DNAJC1: variants seen among roughly 807,000 people sequenced by gnomAD.
DNAJC1 encodes the protein dnaJ homolog subfamily C member 1.
In DNAJC1, 58 loss-of-function variants were observed where a neutral mutation model predicts 76.6. The observed-to-expected ratio is 0.76, with a 90% confidence interval of 0.61 to 0.94. The LOEUF is 0.94. Among genes scored for constraint, DNAJC1 ranks in the 40% least tolerant of loss-of-function variants. The pLI, the probability that DNAJC1 is intolerant of heterozygous loss-of-function variation, is 0.00. For missense variants in DNAJC1, 689 were observed against 677.3 expected, an observed-to-expected ratio of 1.02 and a Z score of -0.19; for synonymous variants, 258 against 267.9, an observed-to-expected ratio of 0.96 and a Z score of 0.36.
intron 9 of DNAJC1, among the ~76,000 whole-genome samples, chr10:21,786,625 C>T (rs540075077): frequency 4.0e-4 from 61 of 151,800 alleles, no homozygotes; most frequent in African/African-American, 1.4e-3. Context: ...AGCAGGCGTG[C>T]GCCACCACAC....
intron 9 of DNAJC1, among the ~76,000 whole-genome samples, chr10:21,789,548 T>C (rs184509519): frequency 8.7e-4 from 133 of 152,042 alleles, no homozygotes; most frequent in African/African-American, 2.9e-3. Flanking sequence ...GTTGCCAGTA[T>C]AGAAATTAAT....
At chr10:21,844,616 T>C (rs534655637) in intron 8 of DNAJC1, among the ~76,000 whole-genome samples, 1 of 152,302 alleles carries the variant, frequency 6.6e-6, no homozygotes, top group South Asian at 2.1e-4. Context: ...GAAACATATG[T>C]TGATTTTCAA....
At chr10:21,944,267 AAATGT>A (rs1837469857) in intron 1 of DNAJC1, among the ~76,000 whole-genome samples, 2 of 152,238 alleles carry the variant, frequency 1.3e-5, no homozygotes, top group Middle Eastern at 3.4e-3. Flanking sequence ...GCAAACCAGT[AAATGT>A]AATAGAATAA....
intron 1 of DNAJC1, among the ~76,000 whole-genome samples, chr10:21,972,185 T>G (rs375179281): frequency 1.3e-5 from 2 of 151,944 alleles, no homozygotes; most frequent in Non-Finnish European, 2.9e-5. Context: ...TTAGATTCCA[T>G]AGGCATGCAA....
In DNAJC1 at chr10:21,919,847, G is replaced by A. The variant is rs750730807; in HGVS notation, c.620C>T (p.Ser207Leu). 6.2e-7 allele frequency: 1 copy of A among 1,601,218 alleles called. No individual in the cohort carries two copies. The highest frequency in any genetic ancestry group is 1.1e-5 in the South Asian group (1 of 88,440). ...ATGCTCTCACCTTTCATTTTTTTCT[G>A]AAGCACCGAGTTTTGATACATCCAC... is the stretch of plus-strand genomic sequence containing the variant. ...KSVDVSKLGA[S>L]EKNERLLMKP... Residue 207 changes from serine (S) to leucine (L), a missense_variant, in exon 5 of 12, where the codon TCA becomes TTA. Transcript: ENST00000376980.
intron 7 of DNAJC1, among the ~76,000 whole-genome samples, chr10:21,884,588 T>C (rs1435604790): frequency 6.6e-6 from 1 of 152,162 alleles, no homozygotes; most frequent in Admixed American, 6.5e-5. Context: ...TGTGGGTATG[T>C]ATGTATTTGT....
At chr10:21,809,165 G>T (rs1834926470) in intron 8 of DNAJC1, among the ~76,000 whole-genome samples, 1 of 151,842 alleles carries the variant, frequency 6.6e-6, no homozygotes, top group South Asian at 2.1e-4. Context: ...AATCTATATG[G>T]ACTTTTCCTC....
intron 1 of DNAJC1, among the ~76,000 whole-genome samples, chr10:21,972,841 T>C (rs918095954): frequency 2.0e-5 from 3 of 152,020 alleles, no homozygotes; most frequent in Admixed American, 1.3e-4. Flanking sequence ...GAAAATAGGG[T>C]ATTTCAGGTT....
At position 21,986,267 on chromosome 10, in the gene DNAJC1, A is replaced by T. The variant is rs572606729; in HGVS notation, c.222+16946T>A. 7.9e-5 allele frequency among the ~76,000 whole-genome samples: 12 copies of T among 152,318 alleles called. No individual in the cohort carries two copies. In the South Asian group the frequency reaches 2.5e-3, roughly 32 times the overall value. The stretch of plus-strand genomic sequence containing the variant: ...CAAAGTAGTTGCATTTTACCTTGCC[A>T]CCATCGATGCATAAGTATTCCAGGT... On this transcript the variant is annotated intron_variant, in intron 1 of 11. Transcript: ENST00000376980.
At chr10:21,858,770 C>G (rs1021887331) in intron 8 of DNAJC1, among the ~76,000 whole-genome samples, 1 of 152,138 alleles carries the variant, frequency 6.6e-6, no homozygotes, top group African/African-American at 2.4e-5. Context: ...ACCACTAGGT[C>G]ACCAGGGAGG....
intron 9 of DNAJC1, among the ~76,000 whole-genome samples, chr10:21,787,315 G>A (rs1273969260): frequency 2.0e-5 from 3 of 151,474 alleles, no homozygotes; most frequent in East Asian, 1.9e-4. Context: ...GCAACAGAGT[G>A]AGATTCCGTC....
chr10:21,790,415 A>G (rs977446558), intron 9 of DNAJC1, among the ~76,000 whole-genome samples: 3 of 152,004 alleles, frequency 2.0e-5, no homozygotes, highest in African/African-American at 7.2e-5. Context: ...TGGCAAGAGA[A>G]AAATGTCAAG....
intron 4 of DNAJC1, 65 bp downstream of exon 4, chr10:21,920,733 T>C (rs1234747265): frequency 3.2e-5 from 47 of 1,461,564 alleles, no homozygotes; most frequent in Non-Finnish European, 2.3e-5. Flanking sequence ...AGTTGAAAAA[T>C]AAATGTCCAA....
At chr10:21,953,929 T>C (rs955769287) in intron 1 of DNAJC1, among the ~76,000 whole-genome samples, 2 of 151,838 alleles carry the variant, frequency 1.3e-5, no homozygotes, top group Admixed American at 6.6e-5. Context: ...TTTGTCTGTT[T>C]AACCTTTGCT....
chr10:21,828,018 C>T (rs1367832016), intron 8 of DNAJC1, among the ~76,000 whole-genome samples: 1 of 152,192 alleles, frequency 6.6e-6, no homozygotes, highest in Non-Finnish European at 1.5e-5. Context: ...TGTCAAATTA[C>T]TCTCCAAAGG....
At chr10:21,947,620 G>A (rs1434407495) in intron 1 of DNAJC1, among the ~76,000 whole-genome samples, 1 of 152,126 alleles carries the variant, frequency 6.6e-6, no homozygotes, top group African/African-American at 2.4e-5. Context: ...TTACGTTTTG[G>A]CAGAGCCAAA....
At chr10:21,905,916 T>C (rs1836737160) in intron 6 of DNAJC1, among the ~76,000 whole-genome samples, 1 of 152,144 alleles carries the variant, frequency 6.6e-6, no homozygotes, top group South Asian at 2.1e-4. Context: ...GAGAGCTTTA[T>C]TTCTGCAAGA....
intron 7 of DNAJC1, among the ~76,000 whole-genome samples, chr10:21,893,490 T>G (rs189099810): frequency 1.3e-5 from 2 of 151,910 alleles, no homozygotes; most frequent in African/African-American, 4.8e-5. Context: ...TAGCCGGGCA[T>G]GGTGGCAAGT....
intron 8 of DNAJC1, among the ~76,000 whole-genome samples, chr10:21,854,197 A>G (rs1413321793): frequency 1.3e-5 from 2 of 152,144 alleles, no homozygotes; most frequent in Non-Finnish European, 2.9e-5. Context: ...TATAAGAATT[A>G]TATCTCAATT....
Sources: gnomAD v4.1 joint callset for allele counts (sites outside exome capture counted in the v4.1 genomes callset) on GRCh38, gnomAD v4.1.1 for gene constraint, MANE v1.5 for transcripts, NCBI Gene and HGNC (gene_info 2026-07-23, HGNC 2026-07-21) for gene names.